The following COL21A1 variants were observed in gnomAD, a reference collection of about 807,000 sequenced individuals.
COL21A1 encodes the protein collagen alpha-1(XXI) chain.
A neutral mutation model predicts 137.9 loss-of-function variants in COL21A1; 149 were observed. That is an observed-to-expected ratio of 1.08 (90% CI 0.95 to 1.24). The LOEUF (loss-of-function observed/expected upper bound fraction) is 1.24, where lower values mean the gene tolerates loss of function less well. Among genes scored for constraint, COL21A1 ranks in the 50% most tolerant of loss-of-function variants. The pLI, the probability that COL21A1 is intolerant of heterozygous loss-of-function variation, is 0.00. For synonymous variants in COL21A1, 456 were observed against 391.5 expected (o/e 1.16, Z -1.95); for missense variants, 1,167 against 1,158.4 (o/e 1.01, Z -0.11).
intron 1 of COL21A1, among the ~76,000 whole-genome samples, chr6:56,282,814 T>C (rs1763812540): frequency 6.6e-6 from 1 of 152,218 alleles, no homozygotes; most frequent in African/African-American, 2.4e-5. Flanking sequence ...CAATCATTTC[T>C]TATCCAGTAT....
intron 1 of COL21A1, among the ~76,000 whole-genome samples, chr6:56,275,416 TAAAC>T (rs1763619522): frequency 6.6e-6 from 1 of 151,984 alleles, no homozygotes; most frequent in African/African-American, 2.4e-5. Context: ...ATCAATAGAA[TAAAC>T]AAACAACCTA....
intron 17 of COL21A1, among the ~76,000 whole-genome samples, chr6:56,079,221 G>A (rs1767516424): frequency 6.6e-6 from 1 of 151,590 alleles, no homozygotes; most frequent in African/African-American, 2.4e-5. Context: ...TCAGAAGGAA[G>A]GTGGCTATAC....
rs1224774444 is a variant in COL21A1 at position 56,061,067 on chromosome 6, T to C, written c.2206-30A>G. 12 of 1,554,416 alleles carry C rather than the reference T, an allele frequency of 7.7e-6. No individual in the cohort carries two copies. In the South Asian group the frequency reaches 1.4e-4, roughly 18 times the overall value. ...AAGCAAAAGAAATCTTTACAAGTTC[T>C]ATTTAAATATTTCAGGAGGTATAAT... On this transcript the variant is annotated intron_variant, in intron 25 of 29. Transcript: ENST00000244728.
intron 20 of COL21A1, among the ~76,000 whole-genome samples, chr6:56,072,662 G>T (rs1490527118): frequency 6.6e-6 from 1 of 151,432 alleles, no homozygotes. Flanking sequence ...ATTTGATTAG[G>T]TATTGCCTGT....
intron 10 of COL21A1, among the ~76,000 whole-genome samples, chr6:56,149,489 CAAG>C (rs1775114664): frequency 6.6e-6 from 1 of 152,102 alleles, no homozygotes; most frequent in African/African-American, 2.4e-5. Flanking sequence ...AGGCAAAGGA[CAAG>C]AAAAGATACT....
At chr6:56,271,111 G>A (rs1763515761) in intron 1 of COL21A1, among the ~76,000 whole-genome samples, 1 of 152,180 alleles carries the variant, frequency 6.6e-6, no homozygotes, top group African/African-American at 2.4e-5. Context: ...TAAGATGAGG[G>A]AAAGTTTGGA....
chr6:56,222,360 C>T (rs1780890409), intron 1 of COL21A1, among the ~76,000 whole-genome samples: 2 of 151,954 alleles, frequency 1.3e-5, no homozygotes, highest in Admixed American at 1.3e-4. Context: ...ATAATGTTGT[C>T]TATGAGGATT....
intron 1 of COL21A1, among the ~76,000 whole-genome samples, chr6:56,349,103 A>G (rs1414821075): frequency 6.6e-6 from 1 of 152,222 alleles, no homozygotes; most frequent in Non-Finnish European, 1.5e-5. Flanking sequence ...GCTTCTGAAG[A>G]AGAGAAATTT....
chr6:56,121,276 A>C (rs149094240), intron 16 of COL21A1, among the ~76,000 whole-genome samples: 151 of 152,156 alleles, frequency 9.9e-4, no homozygotes, highest in African/African-American at 3.6e-3. Context: ...AAGAGCAAGA[A>C]GCCAATCTGA....
intron 2 of COL21A1, among the ~76,000 whole-genome samples, chr6:56,181,862 A>G (rs886388393): frequency 2.0e-5 from 3 of 152,182 alleles, no homozygotes; most frequent in Non-Finnish European, 4.4e-5. Flanking sequence ...GGGCATCCAC[A>G]TTATACAGTG....
chr6:56,059,216 C>T lies in COL21A1; in HGVS notation c.2635G>A (p.Gly879Arg). 1 of 1,606,258 alleles carries T rather than the reference C, an allele frequency of 6.2e-7. No homozygotes were observed. The highest frequency in any genetic ancestry group is 8.5e-7 in the Non-Finnish European group (1 of 1,177,668). The change falls in exon 29 of 30, where the codon GGG becomes AGG. Residue 879 changes from glycine to arginine, a missense_variant. Transcript: ENST00000244728. Reference protein sequence around the residue: ...KGLPGRNGEKGSQGFGYPGEQ... With the variant: ...KGLPGRNGEKRSQGFGYPGEQ... Reference sequence around the variant, plus strand: ...CCAGGATACCCAAACCCTTGGCTCCCTTTTTCCCCATTTCTTCCTGGTAGG... The same window carrying T: ...CCAGGATACCCAAACCCTTGGCTCCTTTTTTCCCCATTTCTTCCTGGTAGG...
intron 1 of COL21A1, among the ~76,000 whole-genome samples, chr6:56,362,765 C>T (rs1388663493): frequency 1.3e-5 from 2 of 152,138 alleles, no homozygotes; most frequent in South Asian, 4.1e-4. Flanking sequence ...ACCACCTAGG[C>T]CCCTCTGTTA....
At chr6:56,140,067 A>C (rs2745366) in intron 12 of COL21A1, among the ~76,000 whole-genome samples, 116,559 of 152,058 alleles carry the variant, frequency 0.77, 45,547 homozygotes, top group African/African-American at 0.91. Flanking sequence ...AAAAGTTTCA[A>C]ACTCAATTTG....
At position 56,119,193 on chromosome 6, in the gene COL21A1, C is replaced by T. The variant is rs62412802; in HGVS notation, c.1758+4869G>A. Among the ~76,000 whole-genome samples the T allele has an allele frequency of 6.2e-3, 950 of 152,150 alleles. 6 individuals carry two copies. The highest frequency in any genetic ancestry group is 9.2e-3 in the Non-Finnish European group (622 of 67,962). ...TATTTAGAAAAACCTAAAGACTCCA[C>T]CAACAAACTATTAAACTGATAAATT... On this transcript the variant is annotated intron_variant, in intron 16 of 29. Coordinates refer to ENST00000244728, the MANE Select transcript of COL21A1 (RefSeq NM_030820.4).
intron 1 of COL21A1, among the ~76,000 whole-genome samples, chr6:56,190,452 G>A (rs1240264159): frequency 6.6e-6 from 1 of 152,120 alleles, no homozygotes; most frequent in Non-Finnish European, 1.5e-5. Flanking sequence ...GTAATTAATA[G>A]CCTACCAACC....
At chr6:56,125,688 C>G in intron 13 of COL21A1, 68 bp from the exon 14 acceptor site, 1 of 1,036,604 alleles carries the variant, frequency 9.6e-7, no homozygotes, top group Non-Finnish European at 1.4e-6. Flanking sequence ...AGAAAAAATA[C>G]AGATTATAAG....
chr6:56,234,297 T>C (rs1309091602), intron 1 of COL21A1, among the ~76,000 whole-genome samples: 3 of 151,702 alleles, frequency 2.0e-5, no homozygotes, highest in African/African-American at 7.2e-5. Context: ...AGAAATATAA[T>C]TTACTAGGTA....
rs578008929 is a variant in COL21A1 at position 56,379,263 on chromosome 6, C to T, written c.-39+14708G>A. Among the ~76,000 whole-genome samples, 5 of 152,272 alleles carry T rather than the reference C, an allele frequency of 3.3e-5. No homozygotes were observed. In the South Asian group the frequency reaches 8.3e-4, roughly 25 times the overall value. The stretch of plus-strand genomic sequence containing the variant: ...CAGGGACCAATCAATCCTGGAGAAA[C>T]AGAGATATGTGACCTTTCAGACACA... On this transcript the variant is annotated intron_variant, in intron 1 of 28. Coordinates refer to the COL21A1 transcript ENST00000370819.
intron 1 of COL21A1, among the ~76,000 whole-genome samples, chr6:56,292,535 G>A (rs1270599326): frequency 6.6e-6 from 1 of 152,070 alleles, no homozygotes; most frequent in Non-Finnish European, 1.5e-5. Flanking sequence ...CACAGAGAAA[G>A]CCCTGTTAGC....
Sources: gnomAD v4.1 joint callset for allele counts (sites outside exome capture counted in the v4.1 genomes callset) on GRCh38, gnomAD v4.1.1 for gene constraint, MANE v1.5 for transcripts, NCBI Gene and HGNC (gene_info 2026-07-23, HGNC 2026-07-21) for gene names.